The following FLACC1 variants were observed in gnomAD, a reference collection of about 807,000 sequenced individuals.
FLACC1 encodes the protein flagellum associated containing coiled-coil domains 1.
In FLACC1, 66 loss-of-function variants were observed where a neutral mutation model predicts 62.8. The ratio of observed to expected loss-of-function variants is 1.05; its 90% CI spans 0.86 to 1.29. The LOEUF is 1.29. Ranked by LOEUF, FLACC1 falls within the 50% of genes most tolerant of loss-of-function variation. FLACC1 has a pLI of 0.00. For missense variants in FLACC1, 452 were observed against 489.1 expected, an observed-to-expected ratio of 0.92 and a Z score of 0.71; for synonymous variants, 156 against 161.0, an observed-to-expected ratio of 0.97 and a Z score of 0.24.
chr2:201,343,803 G>A (rs376806688), intron 6 of FLACC1, among the ~76,000 whole-genome samples: 7 of 152,244 alleles, frequency 4.6e-5, no homozygotes, highest in African/African-American at 1.7e-4. Flanking sequence ...CACATTAAGT[G>A]CGCTGGTGTC....
At chr2:201,299,202 T>C (rs1470537758) in intron 12 of FLACC1, 36 bp downstream of exon 12, 11 of 1,579,198 alleles carry the variant, frequency 7.0e-6, no homozygotes, top group African/African-American at 4.1e-5. Flanking sequence ...GTATTTGTAA[T>C]ATACCAAGTC....
intron 9 of FLACC1, among the ~76,000 whole-genome samples, chr2:201,329,123 C>T (rs1372365300): frequency 7.2e-5 from 11 of 152,008 alleles, no homozygotes. Context: ...GTAAATATTT[C>T]TTGTCATAAA....
At chr2:201,350,686 C>CAAAACAAAACGAAACAA (rs1553617240) in intron 3 of FLACC1, 25 bp downstream of exon 3, 1 of 1,538,708 alleles carries the variant, frequency 6.5e-7, no homozygotes, top group Non-Finnish European at 8.9e-7. Context: ...ATCTCAAAAA[C>CAAAACAAAACGAAACAA]AAAACAAAAC....
At chr2:201,358,308 G>T (rs1951149074), upstream of FLACC1, among the ~76,000 whole-genome samples, 1 of 152,120 alleles carries the variant, frequency 6.6e-6, no homozygotes, top group African/African-American at 2.4e-5. Flanking sequence ...CAGGCTGCAT[G>T]CATAGCTCAC....
At chr2:201,348,779 C>T (rs1576477571) in intron 3 of FLACC1, among the ~76,000 whole-genome samples, 1 of 152,228 alleles carries the variant, frequency 6.6e-6, no homozygotes, top group East Asian at 1.9e-4. Context: ...TGAAGTTAAA[C>T]TTGTTTTTCA....
intron 6 of FLACC1, 73 bp from the exon 7 acceptor site, chr2:201,342,504 G>T: frequency 6.7e-7 from 1 of 1,501,648 alleles, no homozygotes. Flanking sequence ...CTTCTGAAAA[G>T]CCTTCCAATT....
chr2:201,289,601 A>G (rs1271214584), intron 13 of FLACC1, 35 bp from the exon 14 acceptor site: 1 of 1,613,356 alleles, frequency 6.2e-7, no homozygotes, highest in East Asian at 2.2e-5. Flanking sequence ...CATCTTCCCC[A>G]ACCCAGAGCC....
At chr2:201,324,141 A>T (rs1950459863) in intron 9 of FLACC1, among the ~76,000 whole-genome samples, 1 of 152,232 alleles carries the variant, frequency 6.6e-6, no homozygotes, top group Middle Eastern at 3.4e-3. Context: ...ATTCAAATAA[A>T]CTCAAGGGAA....
Position 201,339,083 on chromosome 2 carries a change from A to T in FLACC1, c.524+3287T>A, listed in dbSNP as rs1428296763. 5.3e-5 allele frequency among the ~76,000 whole-genome samples: 8 copies of T among 151,018 alleles called. No homozygotes were observed. In the East Asian group the frequency reaches 1.5e-3, roughly 29 times the overall value. ...TTGGGAGACTTTTTATTACTGATTC[A>T]ACCTTGCTACTCATTATTGGTCTTG... On this transcript the variant is annotated intron_variant, in intron 7 of 14. Coordinates refer to ENST00000392257, the MANE Select transcript of FLACC1 (RefSeq NM_001127391.3).
rs1390150713 is a variant in FLACC1, at chr2:201,293,632, A to G, written c.943-3847T>C. On this transcript the variant is annotated intron_variant, in intron 12 of 14. Transcript: ENST00000392257. Reference sequence around the variant, plus strand: ...AAGAACTAGAGAAGCAAGAGCAAACACATTCAAAAGCTAGCAGAAGGCAAG... The same window carrying G: ...AAGAACTAGAGAAGCAAGAGCAAACGCATTCAAAAGCTAGCAGAAGGCAAG... 4.6e-5 allele frequency among the ~76,000 whole-genome samples: 7 copies of G among 152,258 alleles called. No homozygotes were observed. In the East Asian group the frequency reaches 1.2e-3, roughly 25 times the overall value.
chr2:201,339,220 T>C (rs1352845841), intron 7 of FLACC1, among the ~76,000 whole-genome samples: 1 of 152,192 alleles, frequency 6.6e-6, no homozygotes, highest in Non-Finnish European at 1.5e-5. Flanking sequence ...TTGTTCATAA[T>C]AGTCTCTGAT....
chr2:201,363,820 C>T, the FLACC1 span, among the ~76,000 whole-genome samples: 1 of 152,216 alleles, frequency 6.6e-6, no homozygotes, highest in Non-Finnish European at 1.5e-5. Context: ...AAGCCGCCCC[C>T]ATCCCTTTGC....
upstream of FLACC1, among the ~76,000 whole-genome samples, chr2:201,361,512 T>A (rs1951185805): frequency 1.3e-5 from 2 of 152,244 alleles, no homozygotes; most frequent in South Asian, 4.1e-4. Flanking sequence ...GGAATGGTAT[T>A]TGCAAGAGCT....
intron 1 of FLACC1, 82 bp downstream of exon 1, chr2:201,356,900 G>A (rs1951128853): frequency 6.6e-6 from 1 of 152,124 alleles, no homozygotes; most frequent in Admixed American, 6.5e-5. Context: ...CAGTGAGCCG[G>A]CAGAGGCTTC....
At chr2:201,327,858 C>T (rs1269516103) in intron 9 of FLACC1, among the ~76,000 whole-genome samples, 1 of 152,132 alleles carries the variant, frequency 6.6e-6, no homozygotes, top group Non-Finnish European at 1.5e-5. Flanking sequence ...CACTTGTACA[C>T]GTATGTTTAT....
the FLACC1 span, among the ~76,000 whole-genome samples, chr2:201,363,115 G>A: frequency 6.6e-6 from 1 of 152,188 alleles, no homozygotes; most frequent in African/African-American, 2.4e-5. Flanking sequence ...GGCATTTGGA[G>A]CACTTGCTTG....
intron 12 of FLACC1, among the ~76,000 whole-genome samples, chr2:201,291,088 C>T (rs1420571331): frequency 6.6e-6 from 1 of 152,222 alleles, no homozygotes; most frequent in Non-Finnish European, 1.5e-5. Flanking sequence ...CCTCTGTAGA[C>T]TCCACCTCTG....
chr2:201,288,767 G>C lies in FLACC1; in HGVS notation c.1157C>G (p.Ser386Cys), dbSNP rs771948788. The C allele has an allele frequency of 2.5e-6, 4 of 1,613,456 alleles. No individual in the cohort carries two copies. The highest frequency in any genetic ancestry group is 2.7e-5 in the African/African-American group (2 of 74,902). The change falls in exon 15 of 15, where the codon TCT becomes TGT. Residue 386 changes from serine (S) to cysteine (C), a missense_variant. This residue lies in a region of FLACC1 where 301 missense variants were observed against 318.4 expected (regional missense o/e 0.95). Transcript: ENST00000392257. ...TCCTTCACAAATTTCTTCATTCTTA[G>C]AAATTATCTTTTGCCTGTAAAAAGA... ...ENIHLKQKII[S>C]KNEEICEGCS...
intron 11 of FLACC1, among the ~76,000 whole-genome samples, chr2:201,306,100 A>T (rs79028879): frequency 7.5e-5 from 3 of 40,258 alleles, no homozygotes; most frequent in Admixed American, 2.1e-4. Context: ...AAAAAAGAAT[A>T]AAAAAAAAAA....
Sources: gnomAD v4.1 joint callset for allele counts (sites outside exome capture counted in the v4.1 genomes callset) on GRCh38, gnomAD v4.1.1 for gene constraint, gnomAD v4.1.1 regional missense constraint, MANE v1.5 for transcripts, NCBI Gene and HGNC (gene_info 2026-07-23, HGNC 2026-07-21) for gene names.